The following PTPRG variants were observed in gnomAD, a reference collection of about 807,000 sequenced individuals.
PTPRG encodes the protein protein tyrosine phosphatase receptor type G.
Under a neutral mutation model 165.3 loss-of-function variants are expected in PTPRG, and 102 were observed. The observed-to-expected ratio is 0.62, with a 90% CI of 0.53 to 0.73. PTPRG has a LOEUF of 0.73. PTPRG is among the 30% of genes least tolerant of loss of function. The pLI is 0.00. For synonymous variants in PTPRG, 675 were observed against 669.5 expected (o/e 1.01, Z -0.13); for missense variants, 1,866 against 1,861.4 (o/e 1.00, Z -0.05).
chr3:62,057,496 G>A (rs990078163), intron 4 of PTPRG, among the ~76,000 whole-genome samples: 46 of 152,176 alleles, frequency 3.0e-4, no homozygotes, highest in African/African-American at 9.2e-4. Flanking sequence ...TACCATGTCC[G>A]CACATCAGTC....
intron 2 of PTPRG, among the ~76,000 whole-genome samples, chr3:61,857,173 C>A (rs544313612): frequency 6.6e-6 from 1 of 151,908 alleles, no homozygotes; most frequent in Non-Finnish European, 1.5e-5. Flanking sequence ...CCTCATCACT[C>A]CAGAAATCTC....
At chr3:61,821,132 A>T (rs2035941825) in intron 2 of PTPRG, among the ~76,000 whole-genome samples, 1 of 151,742 alleles carries the variant, frequency 6.6e-6, no homozygotes, top group South Asian at 2.1e-4. Flanking sequence ...CATATTAATC[A>T]TATTAGTTAT....
intron 2 of PTPRG, among the ~76,000 whole-genome samples, chr3:61,974,777 AG>A (rs1216602161): frequency 6.6e-6 from 1 of 152,194 alleles, no homozygotes; most frequent in African/African-American, 2.4e-5. Flanking sequence ...ATGAAGAGAC[AG>A]GGTCAAAGAT....
At chr3:62,290,934 T>TC (rs1346459804) in intron 28 of PTPRG, among the ~76,000 whole-genome samples, 2 of 151,968 alleles carry the variant, frequency 1.3e-5, no homozygotes, top group African/African-American at 4.8e-5. Flanking sequence ...AAACTGTACT[T>TC]CCGTATAACA....
At chr3:61,852,885 C>G (rs1302570298) in intron 2 of PTPRG, among the ~76,000 whole-genome samples, 1 of 152,162 alleles carries the variant, frequency 6.6e-6, no homozygotes, top group African/African-American at 2.4e-5. Context: ...CATGGACTTG[C>G]AAAGGTCCTA....
chr3:62,054,440 G>T (rs1293122486), intron 4 of PTPRG, among the ~76,000 whole-genome samples: 4 of 152,148 alleles, frequency 2.6e-5, no homozygotes, highest in Non-Finnish European at 5.9e-5. Context: ...GGATCAATTT[G>T]TCTGAGTAGC....
chr3:61,852,476 G>A (rs994638521), intron 2 of PTPRG, among the ~76,000 whole-genome samples: 7 of 152,086 alleles, frequency 4.6e-5, no homozygotes, highest in Non-Finnish European at 1.0e-4. Flanking sequence ...TGCATACTTC[G>A]GATTTTCTTA....
intron 5 of PTPRG, among the ~76,000 whole-genome samples, chr3:62,087,485 G>A (rs1280180268): frequency 1.3e-5 from 2 of 152,144 alleles, no homozygotes; most frequent in East Asian, 3.9e-4. Context: ...ATTTGCTGAG[G>A]ACTTAACTGA....
chr3:62,194,259 G>A (rs1159508929), intron 9 of PTPRG, among the ~76,000 whole-genome samples: 3 of 152,186 alleles, frequency 2.0e-5, no homozygotes, highest in Non-Finnish European at 4.4e-5. Flanking sequence ...TAGCCAAGTG[G>A]CATTCTTTCT....
intron 15 of PTPRG, among the ~76,000 whole-genome samples, chr3:62,250,174 C>T (rs1346216766): frequency 1.3e-5 from 2 of 152,058 alleles, no homozygotes; most frequent in East Asian, 1.9e-4. Flanking sequence ...TTGTGTTATC[C>T]TGATTGCTTT....
intron 1 of PTPRG, among the ~76,000 whole-genome samples, chr3:61,602,210 T>C (rs1700888486): frequency 6.6e-6 from 1 of 152,150 alleles, no homozygotes; most frequent in Non-Finnish European, 1.5e-5. Flanking sequence ...CTGGCTGTCT[T>C]AGTCAATAGG....
chr3:62,219,323 T>A lies in PTPRG; in HGVS notation c.2288+340T>A, dbSNP rs1700593603. ...TTAGTTTCAGAACCAGCAAAATGAG[T>A]TAACAAGTCATAGCATTTGCAGTTT... On this transcript the variant is annotated intron_variant, in intron 13 of 29. Coordinates refer to ENST00000474889, the MANE Select transcript of PTPRG (RefSeq NM_002841.4). This position sits in a 1 kb window ranked among gnomAD's most constrained non-coding sequence, Gnocchi z 4.5. 6.6e-6 allele frequency among the ~76,000 whole-genome samples: 1 copy of A among 152,222 alleles called. No individual in the cohort carries two copies. The highest frequency in any genetic ancestry group is 1.5e-5 in the Non-Finnish European group (1 of 68,036).
intron 2 of PTPRG, among the ~76,000 whole-genome samples, chr3:61,985,921 T>C (rs1440968922): frequency 6.6e-6 from 1 of 152,204 alleles, no homozygotes; most frequent in Non-Finnish European, 1.5e-5. Flanking sequence ...CAGCTTATTT[T>C]ACCTTGTCAC....
chr3:62,053,423 C>T (rs1700529619), intron 4 of PTPRG, among the ~76,000 whole-genome samples: 1 of 152,056 alleles, frequency 6.6e-6, no homozygotes, highest in South Asian at 2.1e-4. Context: ...TCCGCCATCA[C>T]ACCTGGCTAA....
intron 4 of PTPRG, among the ~76,000 whole-genome samples, chr3:62,005,359 G>T (rs1290192265): frequency 6.6e-6 from 1 of 152,152 alleles, no homozygotes; most frequent in African/African-American, 2.4e-5. Flanking sequence ...ATTACATCAT[G>T]TTCTTAAGTG....
intron 2 of PTPRG, among the ~76,000 whole-genome samples, chr3:61,879,404 G>A (rs1037047474): frequency 2.6e-5 from 4 of 152,004 alleles, no homozygotes; most frequent in Non-Finnish European, 5.9e-5. Flanking sequence ...ACGGTTTTCT[G>A]TAGTTTTCAG....
chr3:62,251,695 A>G (rs114481823), intron 15 of PTPRG, among the ~76,000 whole-genome samples: 1 of 152,310 alleles, frequency 6.6e-6, no homozygotes, highest in African/African-American at 2.4e-5. Context: ...TAACCAGGAT[A>G]TTAAGAATTA....
At chr3:61,733,026 G>A (rs2032576425) in intron 1 of PTPRG, among the ~76,000 whole-genome samples, 1 of 152,132 alleles carries the variant, frequency 6.6e-6, no homozygotes, top group African/African-American at 2.4e-5. Context: ...AGTGCCACTA[G>A]AGGGTTTTTA....
intron 28 of PTPRG, among the ~76,000 whole-genome samples, chr3:62,289,646 CA>C (rs951163755): frequency 5.3e-4 from 76 of 142,464 alleles, no homozygotes; most frequent in Middle Eastern, 3.7e-3. Context: ...AGAGACATTT[CA>C]AAAAAAAATC....
Sources: allele counts gnomAD v4.1 joint callset (sites outside exome capture counted in the v4.1 genomes callset), GRCh38; gene constraint gnomAD v4.1.1; non-coding constraint Gnocchi (gnomAD v3.1); transcripts MANE v1.5; gene names NCBI Gene and HGNC (gene_info 2026-07-23, HGNC 2026-07-21).